The following PIEZO2 variants were observed in gnomAD, a reference collection of about 807,000 sequenced individuals.
PIEZO2 encodes the protein piezo type mechanosensitive ion channel component 2.
Under a neutral mutation model 337.3 loss-of-function variants are expected in PIEZO2, and 172 were observed. The ratio of observed to expected loss-of-function variants is 0.51; its 90% CI spans 0.45 to 0.58. The LOEUF (loss-of-function observed/expected upper bound fraction) is 0.58, where lower values mean the gene tolerates loss of function less well. Among genes scored for constraint, PIEZO2 ranks in the 20% least tolerant of loss-of-function variants. PIEZO2 has a pLI of 0.00. For missense variants in PIEZO2, 3,028 were observed against 3,391.3 expected (o/e 0.89, Z 2.66); for synonymous variants, 1,251 against 1,228.5 (o/e 1.02, Z -0.38).
chr18:10,690,165 A>G (rs760925892), intron 48 of PIEZO2, among the ~76,000 whole-genome samples: 2 of 152,100 alleles, frequency 1.3e-5, no homozygotes, highest in South Asian at 2.1e-4. Flanking sequence ...TGGATGAGTT[A>G]GTAGGGGTGG....
intron 3 of PIEZO2, among the ~76,000 whole-genome samples, chr18:10,936,521 T>C (rs942175941): frequency 6.6e-6 from 1 of 152,084 alleles, no homozygotes. Context: ...GATGCGAAAA[T>C]GTTGCCTACC....
At chr18:11,061,334 G>C (rs2037946562) in intron 2 of PIEZO2, among the ~76,000 whole-genome samples, 4 of 151,032 alleles carry the variant, frequency 2.6e-5, no homozygotes, top group South Asian at 2.1e-4. Flanking sequence ...CATTCCCTTT[G>C]AAAACTGGCA....
intron 4 of PIEZO2, among the ~76,000 whole-genome samples, chr18:10,875,057 C>T (rs8096223): frequency 6.6e-6 from 1 of 151,984 alleles, no homozygotes; most frequent in East Asian, 1.9e-4. Context: ...TGAATGTATC[C>T]AATATCACAT....
Position 10,859,407 on chromosome 18 carries a change from G to C in PIEZO2, c.493-2196C>G, listed in dbSNP as rs896412583. ...CAGTACATCAGACCACTCACCTGCA[G>C]CTGGCCTGCCACGCACGCACTCTGC... On this transcript the variant is annotated intron_variant, in intron 5 of 55. Coordinates refer to ENST00000674853, the MANE Select transcript of PIEZO2 (RefSeq NM_001378183.1). The surrounding 1 kb of genome is among the most constrained non-coding windows in gnomAD (Gnocchi z 4.9). 2.0e-5 allele frequency among the ~76,000 whole-genome samples: 3 copies of C among 152,222 alleles called. No homozygotes were observed. Among genetic ancestry groups the C allele is most frequent in the Non-Finnish European group, 2.9e-5 (2 of 68,038 alleles).
chr18:10,898,370 G>A (rs1005929447), intron 4 of PIEZO2, among the ~76,000 whole-genome samples: 3 of 151,942 alleles, frequency 2.0e-5, no homozygotes, highest in East Asian at 1.9e-4. Flanking sequence ...GCAGTGAGCC[G>A]AAATTGCGCC....
Position 11,128,187 on chromosome 18 carries a change from A to C in PIEZO2, c.64+20338T>G, listed in dbSNP as rs1203709158. ...GGTTGGTTGCTCCTAAGTTCAGTGGACAAAGTGATGAAAGAAAATGATGAA... is the reference window on the plus strand; with the variant it reads ...GGTTGGTTGCTCCTAAGTTCAGTGGCCAAAGTGATGAAAGAAAATGATGAA... On this transcript the variant is annotated intron_variant, in intron 1 of 55. Transcript: ENST00000674853. The surrounding 1 kb of genome is among the most constrained non-coding windows in gnomAD (Gnocchi z 4.1). Among the ~76,000 whole-genome samples, 1 of 152,170 alleles carries C rather than the reference A, an allele frequency of 6.6e-6. No homozygotes were observed. The highest frequency in any genetic ancestry group is 2.4e-5 in the African/African-American group (1 of 41,428).
chr18:10,675,940 A>C (rs694912), intron 53 of PIEZO2, among the ~76,000 whole-genome samples: 1 of 152,020 alleles, frequency 6.6e-6, no homozygotes, highest in Non-Finnish European at 1.5e-5. Context: ...GCCTTCCACC[A>C]TGATTGTGAG....
chr18:11,007,015 C>A (rs565414689), intron 2 of PIEZO2, among the ~76,000 whole-genome samples: 1 of 152,260 alleles, frequency 6.6e-6, no homozygotes, highest in East Asian at 1.9e-4. Context: ...TTTATTAATT[C>A]TTTGAATTGG....
intron 1 of PIEZO2, among the ~76,000 whole-genome samples, chr18:11,130,782 T>C (rs4442891): frequency 0.85 from 129,902 of 152,228 alleles, 55,617 homozygotes; most frequent in African/African-American, 0.91. Flanking sequence ...AAGAGGCACA[T>C]GGCCTGTTTG....
rs1002372741 is a variant in PIEZO2, at chr18:10,757,889, A to G, written c.3923+80T>C. 3.0e-6 allele frequency: 4 copies of G among 1,336,274 alleles called. No homozygotes were observed. In the African/African-American group the frequency reaches 5.9e-5, roughly 20 times the overall value. 82.8% of individuals were successfully genotyped at this position (1,336,274 alleles called of 1,614,324 possible). A position where few individuals can be genotyped will look rare whatever the true frequency, so the allele number is the denominator to read the frequency against. On this transcript the variant is annotated intron_variant, in intron 27 of 55. Coordinates refer to ENST00000674853, the MANE Select transcript of PIEZO2 (RefSeq NM_001378183.1). Reference sequence around the variant, plus strand: ...TTCAGCAGATCTGTTTCCCAAGTATAGCAGAGAAAGTATAGAGGAGCAATG... The same window carrying G: ...TTCAGCAGATCTGTTTCCCAAGTATGGCAGAGAAAGTATAGAGGAGCAATG...
Position 11,125,727 on chromosome 18 carries a change from C to T in PIEZO2, c.64+22798G>A, listed in dbSNP as rs944420203. ...TTCAGGGCAGGACAACATTCCAGCC[C>T]CCACTGACAGCAACTCCGGATCCTC... On this transcript the variant is annotated intron_variant, in intron 1 of 55. Coordinates refer to ENST00000674853, the MANE Select transcript of PIEZO2 (RefSeq NM_001378183.1). This position sits in a 1 kb window ranked among gnomAD's most constrained non-coding sequence, Gnocchi z 4.4. Among the ~76,000 whole-genome samples, 4 of 152,250 alleles carry T rather than the reference C, an allele frequency of 2.6e-5. No homozygotes were observed. Among genetic ancestry groups the T allele is most frequent in the Admixed American group, 2.6e-4 (4 of 15,294 alleles).
In PIEZO2 at chr18:11,092,817, C is replaced by T. The variant is rs1004326334; in HGVS notation, c.65-26595G>A. 6.6e-6 allele frequency among the ~76,000 whole-genome samples: 1 copy of T among 152,200 alleles called. No individual in the cohort carries two copies. The highest frequency in any genetic ancestry group is 2.4e-5 in the African/African-American group (1 of 41,442). On this transcript the variant is annotated intron_variant, in intron 1 of 55. Transcript: ENST00000674853. The surrounding 1 kb of genome is among the most constrained non-coding windows in gnomAD (Gnocchi z 4.5). Reference sequence around the variant, plus strand: ...TGGCATGAGGACCTTCTGTGGCCCCCTCATCCCTTCACAGGGCCACATATC... The same window carrying T: ...TGGCATGAGGACCTTCTGTGGCCCCTTCATCCCTTCACAGGGCCACATATC...
Position 11,032,119 on chromosome 18 carries a change from A to G in PIEZO2, c.160+34008T>C, listed in dbSNP as rs2036763742. On this transcript the variant is annotated intron_variant, in intron 2 of 55. Coordinates refer to ENST00000674853, the MANE Select transcript of PIEZO2 (RefSeq NM_001378183.1). This position sits in a 1 kb window ranked among gnomAD's most constrained non-coding sequence, Gnocchi z 4.9. ...TGTGCTACATGGCCCCAATCATGCTATTTGAATTGAGTAACAAACTATGAA... is the reference window on the plus strand; with the variant it reads ...TGTGCTACATGGCCCCAATCATGCTGTTTGAATTGAGTAACAAACTATGAA... Among the ~76,000 whole-genome samples, 1 of 152,176 alleles carries G rather than the reference A, an allele frequency of 6.6e-6. No individual in the cohort carries two copies. The highest frequency in any genetic ancestry group is 2.4e-5 in the African/African-American group (1 of 41,454).
rs1442135178 is a variant in PIEZO2, at chr18:11,099,248, A to C, written c.65-33026T>G. On this transcript the variant is annotated intron_variant, in intron 1 of 55. Coordinates refer to ENST00000674853, the MANE Select transcript of PIEZO2 (RefSeq NM_001378183.1). This position sits in a 1 kb window ranked among gnomAD's most constrained non-coding sequence, Gnocchi z 5.4. ...TGCACATTTGTGCCAGTATTTCTGTAGGTTAACATATTAATGGATCATAAA... is the reference window on the plus strand; with the variant it reads ...TGCACATTTGTGCCAGTATTTCTGTCGGTTAACATATTAATGGATCATAAA... Among the ~76,000 whole-genome samples, 1 of 152,214 alleles carries C rather than the reference A, an allele frequency of 6.6e-6. No individual in the cohort carries two copies. Among genetic ancestry groups the C allele is most frequent in the African/African-American group, 2.4e-5 (1 of 41,460 alleles).
At chr18:11,108,924 C>A (rs983254999) in intron 1 of PIEZO2, among the ~76,000 whole-genome samples, 1 of 152,180 alleles carries the variant, frequency 6.6e-6, no homozygotes, top group Admixed American at 6.5e-5. Flanking sequence ...GGACTTCATC[C>A]TGCACAGAAA....
At position 11,126,094 on chromosome 18, in the gene PIEZO2, C is replaced by G. The variant is rs539530711; in HGVS notation, c.64+22431G>C. Among the ~76,000 whole-genome samples, 5 of 152,160 alleles carry G rather than the reference C, an allele frequency of 3.3e-5. No individual in the cohort carries two copies. The highest frequency in any genetic ancestry group is 7.3e-5 in the Non-Finnish European group (5 of 68,030). Reference sequence around the variant, plus strand: ...TAGACCTGCATTACAAGTAGAACAGCGGGCAGTTCTGTCCATGCCCACCAG... The same window carrying G: ...TAGACCTGCATTACAAGTAGAACAGGGGGCAGTTCTGTCCATGCCCACCAG... On this transcript the variant is annotated intron_variant, in intron 1 of 55. Coordinates refer to ENST00000674853, the MANE Select transcript of PIEZO2 (RefSeq NM_001378183.1). The surrounding 1 kb of genome is among the most constrained non-coding windows in gnomAD (Gnocchi z 4.6).
At chr18:10,886,211 A>G (rs2042573993) in intron 4 of PIEZO2, among the ~76,000 whole-genome samples, 1 of 146,692 alleles carries the variant, frequency 6.8e-6, no homozygotes, top group Non-Finnish European at 1.5e-5. Context: ...CAGATAAGTA[A>G]AGACAAGACA....
intron 30 of PIEZO2, among the ~76,000 whole-genome samples, chr18:10,745,655 T>A (rs1254691560): frequency 1.3e-5 from 2 of 152,192 alleles, no homozygotes. Flanking sequence ...CTCAGGCTGC[T>A]CGGTCTTTTT....
At position 10,973,412 on chromosome 18, in the gene PIEZO2, T is replaced by C. The variant is rs1811002484; in HGVS notation, c.286+6123A>G. Among the ~76,000 whole-genome samples the C allele has an allele frequency of 6.6e-6, 1 of 152,194 alleles. No homozygotes were observed. Among genetic ancestry groups the C allele is most frequent in the African/African-American group, 2.4e-5 (1 of 41,450 alleles). On this transcript the variant is annotated intron_variant, in intron 3 of 55. Transcript: ENST00000674853. This position sits in a 1 kb window ranked among gnomAD's most constrained non-coding sequence, Gnocchi z 4.9. ...TCACTATGGAGAGCAGCAGTCTCCA[T>C]CTAGGTCGGCATATGTCTCCGTGAG...
Sources: gnomAD v4.1 joint callset for allele counts (sites outside exome capture counted in the v4.1 genomes callset) on GRCh38, gnomAD v4.1.1 for gene constraint, Gnocchi (gnomAD v3.1) non-coding constraint, MANE v1.5 for transcripts, NCBI Gene and HGNC (gene_info 2026-07-23, HGNC 2026-07-21) for gene names.